RASA3: variants seen among roughly 807,000 people sequenced by gnomAD.
RASA3 encodes ras GTPase-activating protein 3.
A neutral mutation model predicts 110.0 loss-of-function variants in RASA3; 73 were observed. The ratio of observed to expected loss-of-function variants is 0.66; its 90% CI spans 0.55 to 0.81. The LOEUF is 0.81. Ranked by LOEUF, RASA3 falls within the 30% of genes least tolerant of loss-of-function variation. RASA3 has a pLI of 0.00. For missense variants in RASA3, 976 were observed against 1,113.2 expected (o/e 0.88, Z 1.75); for synonymous variants, 500 against 451.4 (o/e 1.11, Z -1.37).
At chr13:114,109,614 C>G (rs1299419337) in intron 1 of RASA3, among the ~76,000 whole-genome samples, 2 of 152,256 alleles carry the variant, frequency 1.3e-5, no homozygotes, top group African/African-American at 2.4e-5. Flanking sequence ...GAGCTGTTTT[C>G]TCTTAAAGCA....
intron 1 of RASA3, among the ~76,000 whole-genome samples, chr13:114,123,771 C>G (rs902373589): frequency 1.3e-5 from 2 of 152,184 alleles, no homozygotes; most frequent in Admixed American, 6.5e-5. Context: ...GAGCCACGGC[C>G]CCCATGCAGG....
rs1163076335 is a variant in RASA3, at chr13:114,075,830, G to A, written c.56-1993C>T. Among the ~76,000 whole-genome samples the A allele has an allele frequency of 3.7e-5, 3 of 81,126 alleles. No individual in the cohort carries two copies. In the Admixed American group the frequency reaches 3.8e-4, roughly 10 times the overall value. 53.2% of individuals were successfully genotyped at this position (81,126 alleles called of 152,430 possible). ...AGGCGCCGGCAGGACGAAGCCTCCC[G>A]TGTCGGCGCCGCGTATCTCTACGTG... is the stretch of plus-strand genomic sequence containing the variant. On this transcript the variant is annotated intron_variant, in intron 1 of 23. Coordinates refer to ENST00000334062, the MANE Select transcript of RASA3 (RefSeq NM_007368.4).
Position 114,048,188 on chromosome 13 carries a change from G to A in RASA3, c.277+3864C>T, listed in dbSNP as rs1442537001. On this transcript the variant is annotated intron_variant, in intron 3 of 23. Transcript: ENST00000334062. This position sits in a 1 kb window ranked among gnomAD's most constrained non-coding sequence, Gnocchi z 4.3. ...AAATTAGCCGGGCGTGGTGGCGGGCGCCTGTAGTCCCAGCTACTCGGGAAG... is the reference window on the plus strand; with the variant it reads ...AAATTAGCCGGGCGTGGTGGCGGGCACCTGTAGTCCCAGCTACTCGGGAAG... Among the ~76,000 whole-genome samples, 1 of 152,054 alleles carries A rather than the reference G, an allele frequency of 6.6e-6. No individual in the cohort carries two copies. Among genetic ancestry groups the A allele is most frequent in the Non-Finnish European group, 1.5e-5 (1 of 67,990 alleles).
intron 5 of RASA3, among the ~76,000 whole-genome samples, chr13:114,028,251 A>C (rs959658679): frequency 8.2e-6 from 1 of 121,916 alleles, no homozygotes; most frequent in African/African-American, 3.2e-5. Flanking sequence ...GGGGGCCAGG[A>C]CCCCTAAAAC....
At chr13:114,039,771 G>C (rs2054358281) in intron 4 of RASA3, among the ~76,000 whole-genome samples, 1 of 152,232 alleles carries the variant, frequency 6.6e-6, no homozygotes, top group Non-Finnish European at 1.5e-5. Context: ...GTGAACACAA[G>C]GGTCTGGGAC....
intron 4 of RASA3, among the ~76,000 whole-genome samples, chr13:114,031,612 T>A (rs1447283062): frequency 6.6e-6 from 1 of 152,190 alleles, no homozygotes; most frequent in East Asian, 1.9e-4. Context: ...ACCGCCTGTG[T>A]GTATGTGTGA....
chr13:114,051,078 G>A (rs755623693), intron 3 of RASA3, among the ~76,000 whole-genome samples: 1 of 152,194 alleles, frequency 6.6e-6, no homozygotes, highest in African/African-American at 2.4e-5. Context: ...CCCCGCCCAC[G>A]CACAGCACCC....
chr13:114,001,005 C>A, intron 18 of RASA3, 73 bp from the exon 19 acceptor site: 1 of 950,624 alleles, frequency 1.1e-6, no homozygotes, highest in Non-Finnish European at 1.7e-6. Flanking sequence ...ACCACACCCC[C>A]CACTTTCTGC....
intron 4 of RASA3, among the ~76,000 whole-genome samples, chr13:114,030,797 ATG>A (rs2139395210): frequency 6.9e-6 from 1 of 144,640 alleles, no homozygotes; most frequent in South Asian, 2.2e-4. Flanking sequence ...GTCCACCTGT[ATG>A]TGTGTCCGCC....
At chr13:114,002,000 G>C (rs1487844729) in intron 18 of RASA3, among the ~76,000 whole-genome samples, 1 of 152,256 alleles carries the variant, frequency 6.6e-6, no homozygotes, top group Non-Finnish European at 1.5e-5. Flanking sequence ...CCTTGCCCTG[G>C]GCAGGGTCCT....
rs941791974 is a variant in RASA3, at chr13:114,056,655, A to T, written c.174-4500T>A. 1.2e-5 allele frequency: 12 copies of T among 985,118 alleles called. No individual in the cohort carries two copies. Among genetic ancestry groups the T allele is most frequent in the African/African-American group, 1.7e-5 (1 of 57,152 alleles). 61.0% of individuals were successfully genotyped at this position (985,118 alleles called of 1,614,324 possible). The stretch of plus-strand genomic sequence containing the variant: ...TCCCGTGAGGCTTCTGGTGGTGCTG[A>T]CAGCTGTCCGTGGAAATTGAGGTGC... On this transcript the variant is annotated intron_variant, in intron 2 of 23. Coordinates refer to ENST00000334062, the MANE Select transcript of RASA3 (RefSeq NM_007368.4). The surrounding 1 kb of genome is among the most constrained non-coding windows in gnomAD (Gnocchi z 5.7).
intron 1 of RASA3, among the ~76,000 whole-genome samples, chr13:114,091,411 GT>G (rs1312424566): frequency 1.3e-5 from 2 of 151,988 alleles, no homozygotes; most frequent in African/African-American, 2.4e-5. Context: ...AATCTGTTGA[GT>G]TTTTGTCATG....
At position 114,024,447 on chromosome 13, in the gene RASA3, C is replaced by T. The variant is rs138540255; in HGVS notation, c.604-92G>A. The T allele has an allele frequency of 7.0e-4, 778 of 1,110,816 alleles. 4 individuals carry two copies. In the African/African-American group the frequency reaches 0.01, roughly 14 times the overall value. 68.8% of individuals were successfully genotyped at this position (1,110,816 alleles called of 1,614,324 possible). A position where few individuals can be genotyped will look rare whatever the true frequency, so the allele number is the denominator to read the frequency against. On this transcript the variant is annotated intron_variant, in intron 7 of 23. Transcript: ENST00000334062. Reference sequence around the variant, plus strand: ...AGGCCCCGGGCTGCCCTACCCTCTGCGCTTACCCACACACCACTCAAGGGC... The same window carrying T: ...AGGCCCCGGGCTGCCCTACCCTCTGTGCTTACCCACACACCACTCAAGGGC...
chr13:114,070,982 C>T (rs1408210826), intron 2 of RASA3, among the ~76,000 whole-genome samples: 6 of 142,988 alleles, frequency 4.2e-5, no homozygotes, highest in Non-Finnish European at 6.1e-5. Flanking sequence ...GGGCTGCCGG[C>T]GTCCACGCTA....
chr13:114,104,588 C>T (rs2080108617), intron 1 of RASA3, among the ~76,000 whole-genome samples: 1 of 152,306 alleles, frequency 6.6e-6, no homozygotes, highest in East Asian at 1.9e-4. Flanking sequence ...CCTAGTGGGC[C>T]GGCCACAAAG....
rs866947545 is a variant in RASA3 at position 114,048,330 on chromosome 13, G to T, written c.277+3722C>A. ...ACTCCGTCTCAAAAAAAAAAAAAAA[G>T]AAGAAGAAAAGAATGGAGGTCTCAC... On this transcript the variant is annotated intron_variant, in intron 3 of 23. Transcript: ENST00000334062. This position sits in a 1 kb window ranked among gnomAD's most constrained non-coding sequence, Gnocchi z 4.3. Among the ~76,000 whole-genome samples, 1 of 143,452 alleles carries T rather than the reference G, an allele frequency of 7.0e-6. No homozygotes were observed. The highest frequency in any genetic ancestry group is 2.0e-4 in the East Asian group (1 of 5,092). The allele number at this position is 143,452 out of a possible 152,430, so 94.1% of individuals were successfully genotyped here.
chr13:113,990,323 T>C (rs1290239496), intron 22 of RASA3, among the ~76,000 whole-genome samples: 1 of 152,172 alleles, frequency 6.6e-6, no homozygotes, highest in African/African-American at 2.4e-5. Flanking sequence ...GCCAGCCTGA[T>C]GCGCAAGGGT....
intron 1 of RASA3, among the ~76,000 whole-genome samples, chr13:114,091,777 A>G (rs1032468450): frequency 6.6e-6 from 1 of 152,036 alleles, no homozygotes; most frequent in Non-Finnish European, 1.5e-5. Flanking sequence ...TAGTTTGAAT[A>G]TAATTGGTAT....
At chr13:114,090,338 ATC>A (rs1383110213) in intron 1 of RASA3, among the ~76,000 whole-genome samples, 1 of 152,206 alleles carries the variant, frequency 6.6e-6, no homozygotes, top group African/African-American at 2.4e-5. Context: ...TCAGAGAAAT[ATC>A]TGTCTTTAAT....
Sources: allele counts gnomAD v4.1 joint callset (sites outside exome capture counted in the v4.1 genomes callset), GRCh38; gene constraint gnomAD v4.1.1; non-coding constraint Gnocchi (gnomAD v3.1); transcripts MANE v1.5; gene names NCBI Gene and HGNC (gene_info 2026-07-23, HGNC 2026-07-21).